Variants in MST1R observed in about 807,000 individuals in gnomAD.
MST1R encodes the protein macrophage-stimulating protein receptor.
Under a neutral mutation model 117.8 loss-of-function variants are expected in MST1R, and 99 were observed. The ratio of observed to expected loss-of-function variants is 0.84; its 90% CI spans 0.71 to 0.99. The LOEUF (loss-of-function observed/expected upper bound fraction) is 0.99, where lower values mean the gene tolerates loss of function less well. MST1R is among the 50% of genes least tolerant of loss of function. The probability of loss-of-function intolerance (pLI) is 0.00; values close to 1 mark genes in which losing one functional copy is unlikely to be tolerated. For missense variants in MST1R, 1,683 were observed against 1,840.2 expected (o/e 0.91, Z 1.56); for synonymous variants, 734 against 765.3 (o/e 0.96, Z 0.68).
intron 14 of MST1R, among the ~76,000 whole-genome samples, chr3:49,893,017 G>A (rs971538145): frequency 6.6e-6 from 1 of 151,924 alleles, no homozygotes; most frequent in Admixed American, 6.6e-5. Flanking sequence ...GATGGCTCAC[G>A]CCTGTAATCC....
chr3:49,898,691 G>A lies in MST1R; in HGVS notation c.1549-3C>T. On this transcript the variant is annotated splice_region_variant and splice_polypyrimidine_tract_variant and intron_variant, in intron 3 of 19. Transcript: ENST00000296474. ...CCTTGGATAGGTACCTGGAAAACCT[G>A]TGGGTGAAAGACAGGTGACTCAGGG... is the stretch of plus-strand genomic sequence containing the variant. The A allele has an allele frequency of 6.2e-7, 1 of 1,613,990 alleles. No individual in the cohort carries two copies. Among genetic ancestry groups the A allele is most frequent in the South Asian group, 1.1e-5 (1 of 91,072 alleles).
intron 7 of MST1R, 58 bp downstream of exon 7, chr3:49,897,222 C>T (rs968349311): frequency 2.6e-6 from 4 of 1,541,600 alleles, no homozygotes; most frequent in African/African-American, 1.4e-5. Context: ...CTGACAGAAT[C>T]CGGGTCCCCA....
At position 49,887,107 on chromosome 3, in the gene MST1R, T is replaced by A; in HGVS notation, c.*200A>T. ...AGAAGACAGGGTCCACAGCAGGCACTCCATAAATACATGTTGCAGGACTGC... is the reference window on the plus strand; with the variant it reads ...AGAAGACAGGGTCCACAGCAGGCACACCATAAATACATGTTGCAGGACTGC... On this transcript the variant is annotated 3_prime_UTR_variant, in exon 20 of 20. Transcript: ENST00000296474. The A allele has an allele frequency of 1.5e-6, 1 of 680,568 alleles. No individual in the cohort carries two copies. The highest frequency in any genetic ancestry group is 2.5e-6 in the Non-Finnish European group (1 of 405,650). 42.2% of individuals were successfully genotyped at this position (680,568 alleles called of 1,614,324 possible). A position where few individuals can be genotyped will look rare whatever the true frequency, so the allele number is the denominator to read the frequency against.
At chr3:49,887,621 C>CTGTTAAA (rs2082201882) in intron 19 of MST1R, 59 bp from the exon 20 acceptor site, 39 of 1,582,260 alleles carry the variant, frequency 2.5e-5, no homozygotes, top group Non-Finnish European at 3.2e-5. Context: ...TCTGGGCCAC[C>CTGTTAAA]CACTTGCTGT....
Position 49,887,253 on chromosome 3 carries a change from A to AG in MST1R, c.*53dup. 6.3e-7 allele frequency: 1 copy of AG among 1,598,806 alleles called. No individual in the cohort carries two copies. The highest frequency in any genetic ancestry group is 8.5e-7 in the Non-Finnish European group (1 of 1,171,770). ...TGCCCTCTGGCCTGGCATGGCCCAG[A>AG]GGCAGCTTGGGGTTAGCTCAAGGCA... On this transcript the variant is annotated 3_prime_UTR_variant, in exon 20 of 20. Coordinates refer to ENST00000296474, the MANE Select transcript of MST1R (RefSeq NM_002447.4).
chr3:49,893,638 A>G (rs1386539989), intron 14 of MST1R, among the ~76,000 whole-genome samples: 7 of 146,322 alleles, frequency 4.8e-5, no homozygotes, highest in Admixed American at 3.4e-4. Flanking sequence ...GGTGGCTCAC[A>G]CCTGTAATCC....
In MST1R at chr3:49,895,212, G is replaced by T. The variant is rs2108429930; in HGVS notation, c.3226C>A (p.Pro1076Thr). Residue 1076 changes from proline to threonine, a missense_variant, in exon 14 of 20, where the codon CCC becomes ACC. Pro to Thr is a conservative substitution (Grantham distance 38). Transcript: ENST00000296474. ...LLAEVKDVLIPHERVVTHSDR... is the reference protein window; with the variant it reads ...LLAEVKDVLITHERVVTHSDR... ...CTGTGGGTGACCACCCGCTCATGGG[G>T]AATCAGCACATCCTTGACCTCAGCC... The T allele has an allele frequency of 6.2e-7, 1 of 1,614,192 alleles. No homozygotes were observed. The highest frequency in any genetic ancestry group is 8.5e-7 in the Non-Finnish European group (1 of 1,180,044).
At chr3:49,899,421 C>G (rs1271794155) in intron 1 of MST1R, 158 bp from the exon 2 acceptor site, 1 of 724,246 alleles carries the variant, frequency 1.4e-6, no homozygotes. Context: ...CACATTGCCC[C>G]CACAGGGCTC....
At position 49,887,355 on chromosome 3, in the gene MST1R, C is replaced by A. The variant is rs530317663; in HGVS notation, c.4155G>T (p.Gly1385=). Reference sequence around the variant, plus strand: ...AGAGTGGCCGGGGCCGGCGTACATTCCCTGGCATGGGTGAGAACTGCGGCT... The same window carrying A: ...AGAGTGGCCGGGGCCGGCGTACATTACCTGGCATGGGTGAGAACTGCGGCT... ...PEQPQFSPMP[G]NVRRPRPLSE... Residue 1385 remains glycine, a synonymous_variant, in exon 20 of 20, where the codon GGG becomes GGT. Coordinates refer to ENST00000296474, the MANE Select transcript of MST1R (RefSeq NM_002447.4). The A allele has an allele frequency of 1.9e-6, 3 of 1,614,232 alleles. No homozygotes were observed. Among genetic ancestry groups the A allele is most frequent in the Non-Finnish European group, 8.5e-7 (1 of 1,180,036 alleles).
rs761718263 is a variant in MST1R, at chr3:49,903,148, G to A, written c.462C>T (p.Ala154=). 6 of 1,604,162 alleles carry A rather than the reference G, an allele frequency of 3.7e-6. No individual in the cohort carries two copies. In the Admixed American group the frequency reaches 1.0e-4, roughly 27 times the overall value. The change falls in exon 1 of 20, where the codon GCC becomes GCT. Residue 154 remains alanine (A), a synonymous_variant. Transcript: ENST00000296474. The stretch of plus-strand genomic sequence containing the variant: ...GGCAGGCTGGCGCTGCCAGATGCAC[G>A]GCTGTCCCTTGGGGCTCTAGGTCAT... ...FLHDLEPQGT[A]VHLAAPACLF... is the part of the protein sequence containing the mutation.
rs187315932 is a variant in MST1R at position 49,888,475 on chromosome 3, G to A, written c.3948-913C>T. ...AAAATTACTGGGCGTGGTGGCACAC[G>A]CCTGTAGTCCCAGTTACTCAGGAGG... On this transcript the variant is annotated intron_variant, in intron 19 of 19. Coordinates refer to ENST00000296474, the MANE Select transcript of MST1R (RefSeq NM_002447.4). 3.9e-3 allele frequency among the ~76,000 whole-genome samples: 593 copies of A among 151,258 alleles called. 9 individuals carry two copies. Among genetic ancestry groups the A allele is most frequent in the Non-Finnish European group, 3.5e-3 (239 of 67,870 alleles).
In MST1R at chr3:49,891,520, A is replaced by G. The variant is rs773212369; in HGVS notation, c.3413T>C (p.Leu1138Pro). The change falls in exon 16 of 20, where the codon CTG (leucine) becomes CCG (proline). Residue 1138 changes from leucine to proline, a missense_variant. Physicochemically the swap from Leu to Pro is moderately conservative, Grantham distance 98. Coordinates refer to ENST00000296474, the MANE Select transcript of MST1R (RefSeq NM_002447.4). ...FLREGLLMRG[L>P]NHPNVLALIG... is the part of the protein sequence containing the mutation. ...GAGAGCCAGCACATTCGGGTGGTTC[A>G]GGCCACGCATGAGCAGCCCCTCTCG... 7.4e-6 allele frequency: 12 copies of G among 1,613,908 alleles called. No homozygotes were observed. In the Admixed American group the frequency reaches 1.5e-4, roughly 20 times the overall value.
At position 49,896,878 on chromosome 3, in the gene MST1R, C is replaced by T. The variant is rs775113027; in HGVS notation, c.2196G>A (p.Gly732=). 9 of 1,523,168 alleles carry T rather than the reference C, an allele frequency of 5.9e-6. No homozygotes were observed. The highest frequency in any genetic ancestry group is 7.9e-6 in the Non-Finnish European group (9 of 1,133,118). The allele number at this position is 1,523,168 out of a possible 1,614,324, so 94.4% of individuals were successfully genotyped here. Residue 732 remains glycine (G), a synonymous_variant, in exon 8 of 20, where the codon GGG becomes GGA. Coordinates refer to ENST00000296474, the MANE Select transcript of MST1R (RefSeq NM_002447.4). ...TECLLARVSE[G]QLLCATPPGA... ...CAGGGGGTGTGGCACATAAAAGCTG[C>T]CCCTCACTGACCCTACAGGAACAAG...
Position 49,897,543 on chromosome 3 carries a change from C to T in MST1R, c.2023G>A (p.Val675Met), listed in dbSNP as rs1277564624. 1.5e-5 allele frequency: 24 copies of T among 1,613,800 alleles called. No homozygotes were observed. Among genetic ancestry groups the T allele is most frequent in the Admixed American group, 3.3e-5 (2 of 60,000 alleles). ...GKHFRVDGTS[V>M]LRGFSFMEPV... is the part of the protein sequence containing the mutation. ...ACCATGAAAGAGAAGCCTCTCAGCA[C>T]GGAGGTGCCGTCTACCCGGAAGTGC... Residue 675 changes from valine (V) to methionine (M), a missense_variant, in exon 6 of 20, where the codon GTG becomes ATG. Coordinates refer to ENST00000296474, the MANE Select transcript of MST1R (RefSeq NM_002447.4).
At position 49,903,357 on chromosome 3, in the gene MST1R, G is replaced by A. The variant is rs140399231; in HGVS notation, c.253C>T (p.Leu85=). The A allele has an allele frequency of 6.2e-6, 10 of 1,613,856 alleles. No homozygotes were observed. The highest frequency in any genetic ancestry group is 3.3e-5 in the South Asian group (3 of 91,092). The change falls in exon 1 of 20, where the codon CTG becomes TTG. Residue 85 remains leucine (L), a synonymous_variant. Coordinates refer to ENST00000296474, the MANE Select transcript of MST1R (RefSeq NM_002447.4). ...GTGGCCAGGCTCTGGACAGACTTCAGGTCAGGCCCAAGCACATGCAGGCGA... is the reference window on the plus strand; with the variant it reads ...GTGGCCAGGCTCTGGACAGACTTCAAGTCAGGCCCAAGCACATGCAGGCGA... ...RNRLHVLGPD[L]KSVQSLATGP... is the part of the protein sequence containing the mutation.
chr3:49,889,983 A>G lies in MST1R; in HGVS notation c.3888T>C (p.Leu1296=). ...PPYRHIDPFD[L]THFLAQGRRL... is the part of the protein sequence containing the mutation. ...GCCGACCCTGGGCCAGGAAGTGGGTAAGGTCAAAAGGGTCAATGTGGCGGT... is the reference window on the plus strand; with the variant it reads ...GCCGACCCTGGGCCAGGAAGTGGGTGAGGTCAAAAGGGTCAATGTGGCGGT... The change falls in exon 19 of 20, where the codon CTT becomes CTC. Residue 1296 remains leucine (L), a synonymous_variant. Transcript: ENST00000296474. The G allele has an allele frequency of 6.2e-7, 1 of 1,614,030 alleles. No individual in the cohort carries two copies. The highest frequency in any genetic ancestry group is 8.5e-7 in the Non-Finnish European group (1 of 1,179,964).
At chr3:49,887,658 T>C (rs1305673166) in intron 19 of MST1R, 96 bp from the exon 20 acceptor site, 8 of 1,371,668 alleles carry the variant, frequency 5.8e-6, no homozygotes, top group African/African-American at 1.4e-5. Context: ...CACACAGGGA[T>C]GAGGATAGAT....
In MST1R at chr3:49,902,389, G is replaced by A. The variant is rs1478546072; in HGVS notation, c.1221C>T (p.Cys407=). 3 of 1,613,412 alleles carry A rather than the reference G, an allele frequency of 1.9e-6. No individual in the cohort carries two copies. Among genetic ancestry groups the A allele is most frequent in the East Asian group, 2.2e-5 (1 of 44,872 alleles). ...GLDFFQSPSF[C]PNPPGLEALS... ...CCTTCTTTCAGCTTACCGGGTTGGGGCAAAAACTGGGCGACTGGAAGAAGT... is the reference window on the plus strand; with the variant it reads ...CCTTCTTTCAGCTTACCGGGTTGGGACAAAAACTGGGCGACTGGAAGAAGT... Residue 407 remains cysteine (C), a synonymous_variant, in exon 1 of 20, where the codon TGC becomes TGT. Coordinates refer to ENST00000296474, the MANE Select transcript of MST1R (RefSeq NM_002447.4).
intron 1 of MST1R, 86 bp from the exon 2 acceptor site, chr3:49,899,349 C>A: frequency 1.4e-6 from 2 of 1,428,512 alleles, no homozygotes; most frequent in Non-Finnish European, 1.9e-6. Context: ...CACAGCAGCC[C>A]AACACTCTCA....
Sources: gnomAD v4.1 joint callset for allele counts (sites outside exome capture counted in the v4.1 genomes callset) on GRCh38, gnomAD v4.1.1 for gene constraint, MANE v1.5 for transcripts, NCBI Gene and HGNC (gene_info 2026-07-23, HGNC 2026-07-21) for gene names.